TECPR2: variants seen among roughly 807,000 people sequenced by gnomAD.
TECPR2 encodes the protein tectonin beta-propeller repeat containing 2.
In TECPR2, 65 loss-of-function variants were observed where a neutral mutation model predicts 138.1. The ratio of observed to expected loss-of-function variants is 0.47; its 90% CI spans 0.39 to 0.58. TECPR2 has a LOEUF of 0.58. Ranked by LOEUF, TECPR2 falls within the 20% of genes least tolerant of loss-of-function variation. TECPR2 has a pLI of 0.00. For missense variants in TECPR2, 1,553 were observed against 1,824.5 expected (o/e 0.85, Z 2.71); for synonymous variants, 746 against 749.8 (o/e 0.99, Z 0.08).
intron 5 of TECPR2, among the ~76,000 whole-genome samples, chr14:102,418,223 G>A (rs1389272782): frequency 6.6e-6 from 1 of 152,174 alleles, no homozygotes; most frequent in Non-Finnish European, 1.5e-5. Flanking sequence ...ATCCACGCAG[G>A]GAATGTCTGT....
chr14:102,450,752 C>A, intron 15 of TECPR2, 103 bp downstream of exon 15: 1 of 1,171,302 alleles, frequency 8.5e-7, no homozygotes, highest in Non-Finnish European at 1.2e-6. Context: ...TGGGGCATGC[C>A]TCGGAGACTG....
intron 2 of TECPR2, among the ~76,000 whole-genome samples, chr14:102,384,981 C>T (rs117419786): frequency 0.027 from 4,090 of 150,360 alleles, 74 homozygotes; most frequent in Middle Eastern, 0.086. Context: ...CTCAGCCTTC[C>T]GAGTGGCCAG....
Position 102,443,870 on chromosome 14 carries a change from A to T in TECPR2, c.2933+43A>T. 1 of 1,468,076 alleles carries T rather than the reference A, an allele frequency of 6.8e-7. No homozygotes were observed. Among genetic ancestry groups the T allele is most frequent in the Non-Finnish European group, 9.1e-7 (1 of 1,094,732 alleles). 90.9% of individuals were successfully genotyped at this position (1,468,076 alleles called of 1,614,324 possible). A position where few individuals can be genotyped will look rare whatever the true frequency, so the allele number is the denominator to read the frequency against. On this transcript the variant is annotated intron_variant, in intron 12 of 19. Transcript: ENST00000359520. This position sits in a 1 kb window ranked among gnomAD's most constrained non-coding sequence, Gnocchi z 4.9. ...ACTCCTTTCACATCGTGCTTGTCCT[A>T]CCCTTCGTTCTTGTCCACTTGACAC...
intron 1 of TECPR2, among the ~76,000 whole-genome samples, chr14:102,368,973 A>G (rs1042909715): frequency 6.6e-6 from 1 of 152,074 alleles, no homozygotes; most frequent in African/African-American, 2.4e-5. Context: ...TCAAAATGTG[A>G]TTATGCTGTT....
chr14:102,464,622 C>T (rs1318238632), intron 16 of TECPR2, among the ~76,000 whole-genome samples: 2 of 152,148 alleles, frequency 1.3e-5, no homozygotes, highest in African/African-American at 2.4e-5. Context: ...TGGGCTCAAC[C>T]GATCCACCCG....
chr14:102,414,656 G>C lies in TECPR2; in HGVS notation c.501G>C (p.Leu167=). 6.2e-7 allele frequency: 1 copy of C among 1,614,208 alleles called. No homozygotes were observed. Among genetic ancestry groups the C allele is most frequent in the Non-Finnish European group, 8.5e-7 (1 of 1,180,032 alleles). ...GCCAGGGGCTCTGTAACTCCCAGCT[G>C]GTGTTGGAGGAGCCATCTTCCATTG... ...DLDQGLCNSQ[L]VLEEPSSIVQ... is the part of the protein sequence containing the mutation. Residue 167 remains leucine (L), a synonymous_variant, in exon 5 of 20, where the codon CTG becomes CTC. Transcript: ENST00000359520.
rs186682538 is a variant in TECPR2, at chr14:102,494,068, C to T, written c.3790-2911C>T. Reference sequence around the variant, plus strand: ...ATATCTGAACCTAGCCTGGTGCTTACGTCCAATTGCCTGCTCTGGTGCTAC... The same window carrying T: ...ATATCTGAACCTAGCCTGGTGCTTATGTCCAATTGCCTGCTCTGGTGCTAC... On this transcript the variant is annotated intron_variant, in intron 17 of 19. Coordinates refer to ENST00000359520, the MANE Select transcript of TECPR2 (RefSeq NM_014844.5). 1.9e-3 allele frequency among the ~76,000 whole-genome samples: 295 copies of T among 152,312 alleles called. 3 individuals are homozygous for T. Among genetic ancestry groups the T allele is most frequent in the African/African-American group, 6.7e-3 (280 of 41,572 alleles).
At chr14:102,409,837 C>T (rs916851595) in intron 4 of TECPR2, among the ~76,000 whole-genome samples, 3 of 151,960 alleles carry the variant, frequency 2.0e-5, no homozygotes, top group Non-Finnish European at 2.9e-5. Flanking sequence ...TGGAGTCTCG[C>T]TCTGTTGCCC....
chr14:102,367,349 G>A lies in TECPR2; in HGVS notation c.-73+4233G>A, dbSNP rs536116884. 5.3e-5 allele frequency among the ~76,000 whole-genome samples: 8 copies of A among 152,148 alleles called. No homozygotes were observed. In the East Asian group the frequency reaches 7.7e-4, roughly 15 times the overall value. On this transcript the variant is annotated intron_variant, in intron 1 of 19. Transcript: ENST00000359520. ...TTCACAGCTATGCAACCGTCACTAC[G>A]TCAATTTTAGAACTTTCTCATCACC...
In TECPR2 at chr14:102,419,913, C is replaced by T. The variant is rs1889134028; in HGVS notation, c.639-5066C>T. Among the ~76,000 whole-genome samples the T allele has an allele frequency of 6.6e-6, 1 of 152,106 alleles. No homozygotes were observed. The highest frequency in any genetic ancestry group is 1.5e-5 in the Non-Finnish European group (1 of 68,002). On this transcript the variant is annotated intron_variant, in intron 5 of 19. Transcript: ENST00000359520. The surrounding 1 kb of genome is among the most constrained non-coding windows in gnomAD (Gnocchi z 4.8). ...ACGCAGCAATCTGTAGGTGTGGCGCCCGCATGTGGGTAAGAGCCAGCAGCC... is the reference window on the plus strand; with the variant it reads ...ACGCAGCAATCTGTAGGTGTGGCGCTCGCATGTGGGTAAGAGCCAGCAGCC...
chr14:102,375,433 G>C (rs1427537923), intron 1 of TECPR2, among the ~76,000 whole-genome samples: 1 of 152,148 alleles, frequency 6.6e-6, no homozygotes, highest in African/African-American at 2.4e-5. Flanking sequence ...GAGAAATCAA[G>C]TACGGCCTCA....
chr14:102,396,796 G>A (rs1185521474), intron 2 of TECPR2, among the ~76,000 whole-genome samples: 3 of 152,210 alleles, frequency 2.0e-5, no homozygotes, highest in African/African-American at 4.8e-5. Flanking sequence ...TGCACACAGC[G>A]TGGGAGCCAG....
At chr14:102,424,942 C>T (rs769381764) in intron 5 of TECPR2, 37 bp from the exon 6 acceptor site, 4 of 1,570,100 alleles carry the variant, frequency 2.5e-6, no homozygotes, top group Non-Finnish European at 2.6e-6. Flanking sequence ...CAGTCCATGT[C>T]TGTTTTTTGT....
chr14:102,462,705 C>T (rs1351210950), intron 16 of TECPR2, among the ~76,000 whole-genome samples: 3 of 152,158 alleles, frequency 2.0e-5, no homozygotes, highest in African/African-American at 4.8e-5. Flanking sequence ...TTTTATTCCC[C>T]GGTTGAAAGT....
In TECPR2 at chr14:102,415,887, TTGA is replaced by T. The variant is rs1889010677; in HGVS notation, c.638+1098_638+1100del. Among the ~76,000 whole-genome samples, 1 of 152,064 alleles carries T rather than the reference TTGA, an allele frequency of 6.6e-6. No homozygotes were observed. The highest frequency in any genetic ancestry group is 6.5e-5 in the Admixed American group (1 of 15,268). ...GGAAACATGGTGAGATTGGCAGGCG[TTGA>T]TGAGGCCCTGCGGCTGGTGGTGCCG... On this transcript the variant is annotated intron_variant, in intron 5 of 19. Transcript: ENST00000359520. The surrounding 1 kb of genome is among the most constrained non-coding windows in gnomAD (Gnocchi z 4.3).
chr14:102,437,694 G>A (rs1227977003), intron 9 of TECPR2, among the ~76,000 whole-genome samples: 1 of 152,210 alleles, frequency 6.6e-6, no homozygotes, highest in East Asian at 1.9e-4. Context: ...TGTGTAAGGT[G>A]AGGTATGCCT....
intron 13 of TECPR2, among the ~76,000 whole-genome samples, chr14:102,448,594 G>C (rs993942307): frequency 6.6e-6 from 1 of 152,132 alleles, no homozygotes. Context: ...AGCCTTGCAT[G>C]GTGGCTCACA....
intron 15 of TECPR2, 60 bp downstream of exon 15, chr14:102,450,709 C>G (rs1890117179): frequency 6.4e-7 from 1 of 1,550,580 alleles, no homozygotes; most frequent in South Asian, 1.1e-5. Flanking sequence ...TGGAAAGGTT[C>G]AAACCACAGT....
chr14:102,425,033 A>G lies in TECPR2; in HGVS notation c.693A>G (p.Leu231=). The change falls in exon 6 of 20, where the codon CTA becomes CTG. Residue 231 remains leucine, a synonymous_variant. Coordinates refer to ENST00000359520, the MANE Select transcript of TECPR2 (RefSeq NM_014844.5). The part of the protein sequence containing the change: ...FIPGLCKQSD[L]TLYASRPGLR... ...CAGGACTCTGTAAGCAAAGTGATCTAACCTTGTATGCGTCACGGCCCGGGC... is the reference window on the plus strand; with the variant it reads ...CAGGACTCTGTAAGCAAAGTGATCTGACCTTGTATGCGTCACGGCCCGGGC... 1 of 1,614,156 alleles carries G rather than the reference A, an allele frequency of 6.2e-7. No individual in the cohort carries two copies. The highest frequency in any genetic ancestry group is 8.5e-7 in the Non-Finnish European group (1 of 1,180,036).
Sources: gnomAD v4.1 joint callset for allele counts (sites outside exome capture counted in the v4.1 genomes callset) on GRCh38, gnomAD v4.1.1 for gene constraint, Gnocchi (gnomAD v3.1) non-coding constraint, MANE v1.5 for transcripts, NCBI Gene and HGNC (gene_info 2026-07-23, HGNC 2026-07-21) for gene names.